Variants in LETMD1 observed in about 807,000 individuals in gnomAD.
LETMD1 encodes the protein LETM1 domain containing 1, also known as LETM1 domain-containing protein 1.
Under a neutral mutation model 43.9 loss-of-function variants are expected in LETMD1, and 30 were observed. The observed-to-expected ratio is 0.68, with a 90% CI of 0.51 to 0.93. The LOEUF (loss-of-function observed/expected upper bound fraction) is 0.93. Among genes scored for constraint, LETMD1 ranks in the 40% least tolerant of loss-of-function variants. The probability of loss-of-function intolerance (pLI) is 0.00; values close to 1 mark genes in which losing one functional copy is unlikely to be tolerated. For synonymous variants in LETMD1, 176 were observed against 163.1 expected (o/e 1.08, Z -0.60); for missense variants, 413 against 447.7 (o/e 0.92, Z 0.70).
the LETMD1 span, chr12:51,068,076 A>G: frequency 9.4e-7 from 1 of 1,065,500 alleles, no homozygotes; most frequent in Non-Finnish European, 1.4e-6. Context: ...AATCATGGGA[A>G]TATCTGTGCT....
At chr12:51,050,442 C>CT (rs1431312190) in intron 2 of LETMD1, among the ~76,000 whole-genome samples, 3 of 151,648 alleles carry the variant, frequency 2.0e-5, no homozygotes, top group African/African-American at 4.8e-5. Context: ...AGGCTGGTCT[C>CT]TAACTCCTGA....
chr12:51,067,719 C>T, the LETMD1 span: 1 of 1,614,192 alleles, frequency 6.2e-7, no homozygotes, highest in Non-Finnish European at 8.5e-7. The surrounding 1 kb of genome is among the most constrained non-coding windows in gnomAD (Gnocchi z 4.1). Flanking sequence ...TTCTGGGTCA[C>T]AATACAGTCG....
At chr12:51,051,538 C>A (rs1164048270) in intron 2 of LETMD1, among the ~76,000 whole-genome samples, 1 of 151,822 alleles carries the variant, frequency 6.6e-6, no homozygotes, top group Non-Finnish European at 1.5e-5. Flanking sequence ...GAAACCCCAT[C>A]TCTACTAAAA....
chr12:51,055,665 T>TAAAAAAAAAAAAAAAAAAAAAA, intron 4 of LETMD1, 170 bp from the exon 5 acceptor site: 1 of 149,252 alleles, frequency 6.7e-6, no homozygotes, highest in Non-Finnish European at 1.2e-5. Flanking sequence ...CCCTGTCTCT[T>TAAAAAAAAAAAAAAAAAAAAAA]AAAAAAAAAA....
downstream of LETMD1, chr12:51,064,049 GAAA>G (rs1428656670): frequency 3.7e-6 from 6 of 1,614,232 alleles, no homozygotes; most frequent in East Asian, 1.3e-4. Context: ...TCTCCTTTGG[GAAA>G]GAGGCTGAGC....
At chr12:51,052,402 A>G in intron 3 of LETMD1, 195 bp downstream of exon 3, 1 of 554,106 alleles carries the variant, frequency 1.8e-6, no homozygotes. Flanking sequence ...GTAGCCCTCC[A>G]TAGCAAGAGC....
At chr12:51,048,222 C>T, upstream of LETMD1, 1 of 1,194,446 alleles carries the variant, frequency 8.4e-7, no homozygotes, top group South Asian at 1.2e-5. Flanking sequence ...CCTCTCCTGG[C>T]TTGTGCTGGA....
At chr12:51,063,736 C>T (rs778785019), downstream of LETMD1, 20 of 1,529,532 alleles carry the variant, frequency 1.3e-5, 1 homozygote, top group South Asian at 2.3e-4. Context: ...GGCAGGACCT[C>T]TAGCGCCTGT....
At chr12:51,068,783 G>A in the LETMD1 span, among the ~76,000 whole-genome samples, 50 of 149,588 alleles carry the variant, frequency 3.3e-4, no homozygotes, top group African/African-American at 1.2e-3. Flanking sequence ...CTACCTTCTT[G>A]AAAAAAAAAG....
the LETMD1 span, among the ~76,000 whole-genome samples, chr12:51,068,495 T>C: frequency 6.6e-6 from 1 of 152,164 alleles, no homozygotes; most frequent in African/African-American, 2.4e-5. Flanking sequence ...CTATATTCAC[T>C]AGCACAAGTC....
intron 8 of LETMD1, chr12:51,058,545 A>G (rs1277275591): frequency 3.6e-5 from 6 of 167,752 alleles, no homozygotes; most frequent in Non-Finnish European, 5.1e-5. Context: ...CAGCCTCCCA[A>G]GTAGCTGGGA....
At position 51,059,469 on chromosome 12, in the gene LETMD1, A is replaced by C; in HGVS notation, c.*38A>C. 1 of 1,575,192 alleles carries C rather than the reference A, an allele frequency of 6.3e-7. No individual in the cohort carries two copies. The highest frequency in any genetic ancestry group is 8.7e-7 in the Non-Finnish European group (1 of 1,144,592). On this transcript the variant is annotated 3_prime_UTR_variant, in exon 9 of 9. Transcript: ENST00000262055. Reference sequence around the variant, plus strand: ...GCGGATGGCATTGTCCTGCAGTCGTATAGTATAGCAGTGCAGGAACAAACA... The same window carrying C: ...GCGGATGGCATTGTCCTGCAGTCGTCTAGTATAGCAGTGCAGGAACAAACA...
Position 51,056,218 on chromosome 12 carries a change from C to T in LETMD1, c.735C>T (p.Gly245=). The change falls in exon 6 of 9, where the codon GGC becomes GGT. Residue 245 remains glycine (G), a synonymous_variant. Transcript: ENST00000262055. ...LRECFSNHPL[G]MNQLQALHVK... is the part of the protein sequence containing the mutation. ...AGTGTTTCTCTAACCATCCTCTGGG[C>T]ATGAACCAACTCCAGGCTTTGCACG... 1 of 1,614,262 alleles carries T rather than the reference C, an allele frequency of 6.2e-7. No homozygotes were observed. Among genetic ancestry groups the T allele is most frequent in the Non-Finnish European group, 8.5e-7 (1 of 1,180,042 alleles).
upstream of LETMD1, chr12:51,048,313 G>T: frequency 6.2e-7 from 1 of 1,613,540 alleles, no homozygotes; most frequent in South Asian, 1.1e-5. Context: ...GGTTAACTTT[G>T]ACCCAAAGAC....
At chr12:51,067,018 T>TG in the LETMD1 span, among the ~76,000 whole-genome samples, 1 of 152,004 alleles carries the variant, frequency 6.6e-6, no homozygotes, top group Non-Finnish European at 1.5e-5. This position sits in a 1 kb window ranked among gnomAD's most constrained non-coding sequence, Gnocchi z 4.1. Flanking sequence ...TTTGTAAAGA[T>TG]GGGGCTTAGC....
At chr12:51,050,977 C>T (rs1279133251) in intron 2 of LETMD1, among the ~76,000 whole-genome samples, 2 of 150,060 alleles carry the variant, frequency 1.3e-5, no homozygotes, top group Non-Finnish European at 3.0e-5. Flanking sequence ...CGCACCATTG[C>T]ACTCCAGCCT....
chr12:51,053,822 C>A lies in LETMD1; in HGVS notation c.435C>A (p.Ser145=). 6.2e-7 allele frequency: 1 copy of A among 1,613,624 alleles called. No individual in the cohort carries two copies. The highest frequency in any genetic ancestry group is 1.1e-5 in the South Asian group (1 of 90,996). The change falls in exon 4 of 9, where the codon TCC becomes TCA. Residue 145 remains serine, a synonymous_variant. Coordinates refer to ENST00000262055, the MANE Select transcript of LETMD1 (RefSeq NM_015416.5). ...AGTGTCTTTTCCTAGGTATTATTTC[C>A]ATTCCACCTTTTGCCAACTACCTGG... The part of the protein sequence containing the change: ...VTKCLFLGII[S]IPPFANYLVF...
chr12:51,067,998 A>G, the LETMD1 span: 4 of 1,604,084 alleles, frequency 2.5e-6, no homozygotes, highest in Non-Finnish European at 3.4e-6. This position sits in a 1 kb window ranked among gnomAD's most constrained non-coding sequence, Gnocchi z 4.1. Context: ...GGTTAGCCTC[A>G]TAGACATGAG....
chr12:51,067,250 C>G, the LETMD1 span, among the ~76,000 whole-genome samples: 2 of 151,398 alleles, frequency 1.3e-5, no homozygotes, highest in Admixed American at 6.6e-5. The surrounding 1 kb of genome is among the most constrained non-coding windows in gnomAD (Gnocchi z 4.1). Flanking sequence ...CTCTTCATCC[C>G]TTTCCTAACA....
Sources: gnomAD v4.1 joint callset for allele counts (sites outside exome capture counted in the v4.1 genomes callset) on GRCh38, gnomAD v4.1.1 for gene constraint, Gnocchi (gnomAD v3.1) non-coding constraint, MANE v1.5 for transcripts, NCBI Gene and HGNC (gene_info 2026-07-23, HGNC 2026-07-21) for gene names.